INSR: variants seen among roughly 807,000 people sequenced by gnomAD.
INSR encodes the protein IR.
In INSR, 67 loss-of-function variants were observed where a neutral mutation model predicts 142.6. That is an observed-to-expected ratio of 0.47 (90% confidence interval 0.39 to 0.58). INSR has a LOEUF of 0.58. Among genes scored for constraint, INSR ranks in the 20% least tolerant of loss-of-function variants. The pLI is 0.00. For synonymous variants in INSR, 756 were observed against 743.1 expected (o/e 1.02, Z -0.28); for missense variants, 1,248 against 1,833.2 (o/e 0.68, Z 5.83).
In INSR at chr19:7,188,476, C is replaced by A. The variant is rs1974488307; in HGVS notation, c.653-3839G>T. ...GGCTGAGGCACAAGAATCACTTGAA[C>A]CTGGGAGGTGGAGGTTGCAGTGAGC... On this transcript the variant is annotated intron_variant, in intron 2 of 21. Coordinates refer to ENST00000302850, the MANE Select transcript of INSR (RefSeq NM_000208.4). 4.0e-5 allele frequency among the ~76,000 whole-genome samples: 6 copies of A among 149,782 alleles called. No homozygotes were observed. The South Asian group carries it at 1.3e-3, about 32-fold the overall frequency.
rs1247151968 is a variant in INSR at position 7,115,514 on chromosome 19, C to T, written c.*1542G>A. On this transcript the variant is annotated 3_prime_UTR_variant, in exon 22 of 22. Transcript: ENST00000302850. ...TCAGTACTGAGGACCGTCAGATGCT[C>T]TCAGGGTGGAGGGGACCAAGACGTA... The T allele has an allele frequency of 2.6e-5, 4 of 152,196 alleles. No homozygotes were observed. Among genetic ancestry groups the T allele is most frequent in the Admixed American group, 1.3e-4 (2 of 15,276 alleles). The allele number at this position is 152,196 out of a possible 1,614,324, so 9.4% of individuals were successfully genotyped here.
rs1015539286 is a variant in INSR at position 7,112,812 on chromosome 19, T to G, written c.*4244A>C. 1 of 152,094 alleles carries G rather than the reference T, an allele frequency of 6.6e-6. No homozygotes were observed. The highest frequency in any genetic ancestry group is 1.5e-5 in the Non-Finnish European group (1 of 68,008). 9.4% of individuals were successfully genotyped at this position (152,094 alleles called of 1,614,324 possible). A position where few individuals can be genotyped will look rare whatever the true frequency, so the allele number is the denominator to read the frequency against. On this transcript the variant is annotated 3_prime_UTR_variant, in exon 22 of 22. Transcript: ENST00000302850. ...GGGGACCCTTAAGGAAATATTCACCTTCCATTGCACTCCCTGAAAGTCCAC... is the reference window on the plus strand; with the variant it reads ...GGGGACCCTTAAGGAAATATTCACCGTCCATTGCACTCCCTGAAAGTCCAC...
rs766008607 is a variant in INSR, at chr19:7,143,039, G to A, written c.2319C>T (p.Ala773=). The A allele has an allele frequency of 7.6e-5, 122 of 1,614,068 alleles. 2 individuals are homozygous for A. Among genetic ancestry groups the A allele is most frequent in the Admixed American group, 1.0e-4 (6 of 59,996 alleles). Residue 773 remains alanine, a synonymous_variant, in exon 12 of 22, where the codon GCC becomes GCT. Coordinates refer to ENST00000302850, the MANE Select transcript of INSR (RefSeq NM_000208.4). ...SLGDVGNVTV[A]VPTVAAFPNT... ...TGGGGAAAGCTGCCACCGTGGGCAC[G>A]GCCACCGTCACATTCCCAACATCGC...
intron 17 of INSR, 104 bp from the exon 18 acceptor site, chr19:7,123,093 C>T: frequency 1.2e-6 from 1 of 841,600 alleles, no homozygotes; most frequent in Non-Finnish European, 2.0e-6. Flanking sequence ...ACCCTGTGGC[C>T]TGGATGCAGC....
intron 13 of INSR, 118 bp downstream of exon 13, chr19:7,141,559 G>A (rs1356721181): frequency 2.1e-6 from 3 of 1,435,754 alleles, no homozygotes; most frequent in Non-Finnish European, 2.9e-6. Flanking sequence ...TAATAGCACA[G>A]TACCTGATGA....
chr19:7,136,828 CATATATATATAT>C (rs57665258), intron 13 of INSR, among the ~76,000 whole-genome samples: 6 of 139,752 alleles, frequency 4.3e-5, no homozygotes, highest in African/African-American at 1.7e-4. Flanking sequence ...TATTTATTTA[CATATATATATAT>C]ATATATATTG....
rs754954687 is a variant in INSR, at chr19:7,151,058, TC to T, written c.2232-527del. On this transcript the variant is annotated intron_variant, in intron 10 of 21. Coordinates refer to ENST00000302850, the MANE Select transcript of INSR (RefSeq NM_000208.4). ...TTCTTTTTTTCATTTTCTTTCTCTT[TC>T]TTTTCTTTCTTTTCCTTTTTTCCTT... Among the ~76,000 whole-genome samples, 124 of 70,844 alleles carry T rather than the reference TC, an allele frequency of 1.8e-3. 2 individuals are homozygous for T. The highest frequency in any genetic ancestry group is 4.8e-3 in the Non-Finnish European group (98 of 20,414). 46.5% of individuals were successfully genotyped at this position (70,844 alleles called of 152,430 possible). A position where few individuals can be genotyped will look rare whatever the true frequency, so the allele number is the denominator to read the frequency against.
chr19:7,149,682 C>T (rs1341713481), intron 11 of INSR, among the ~76,000 whole-genome samples: 3 of 151,888 alleles, frequency 2.0e-5, no homozygotes, highest in Non-Finnish European at 4.4e-5. Context: ...ATTAGCCGGG[C>T]GTGGTGGCGC....
At chr19:7,154,405 G>C (rs1055910966) in intron 9 of INSR, among the ~76,000 whole-genome samples, 4 of 145,192 alleles carry the variant, frequency 2.8e-5, no homozygotes, top group South Asian at 2.2e-4. Flanking sequence ...TGGGTTCATG[G>C]CATTCTCCTG....
chr19:7,149,777 G>A (rs1599906257), intron 11 of INSR, among the ~76,000 whole-genome samples: 1 of 150,896 alleles, frequency 6.6e-6, no homozygotes, highest in African/African-American at 2.4e-5. Context: ...AGCCGAGATC[G>A]CACCACTGCA....
At chr19:7,120,796 C>T (rs201905854) in intron 19 of INSR, 47 bp from the exon 20 acceptor site, 2 of 1,606,204 alleles carry the variant, frequency 1.2e-6, no homozygotes, top group South Asian at 1.1e-5. Context: ...AGCCTTGGTC[C>T]TAGCATCTGC....
At chr19:7,263,968 G>A (rs189249613) in intron 2 of INSR, among the ~76,000 whole-genome samples, 39 of 152,212 alleles carry the variant, frequency 2.6e-4, no homozygotes, top group African/African-American at 8.2e-4. Context: ...TCGGGAGTTC[G>A]AGACCAGCCT....
chr19:7,199,141 A>G (rs1974877510), intron 2 of INSR, among the ~76,000 whole-genome samples: 1 of 152,148 alleles, frequency 6.6e-6, no homozygotes, highest in Non-Finnish European at 1.5e-5. Context: ...TCAGTCTACC[A>G]AAGTGTTGGG....
chr19:7,129,020 T>A (rs1972713793), intron 14 of INSR, 66 bp from the exon 15 acceptor site: 1 of 1,293,248 alleles, frequency 7.7e-7, no homozygotes, highest in Admixed American at 1.7e-5. Flanking sequence ...ACATCAAAAA[T>A]CACATCCACT....
chr19:7,271,439 G>T (rs1448750644), intron 1 of INSR, among the ~76,000 whole-genome samples: 3 of 152,104 alleles, frequency 2.0e-5, no homozygotes, highest in Non-Finnish European at 4.4e-5. Flanking sequence ...GGTGGAGGTT[G>T]CAGTGAGCCA....
At chr19:7,153,234 A>G (rs1292009396) in intron 9 of INSR, among the ~76,000 whole-genome samples, 14 of 117,734 alleles carry the variant, frequency 1.2e-4, no homozygotes, top group African/African-American at 4.5e-4. Context: ...CACCACACAC[A>G]CACCATACAC....
chr19:7,281,506 C>T (rs1383236597), intron 1 of INSR, among the ~76,000 whole-genome samples: 2 of 126,858 alleles, frequency 1.6e-5, no homozygotes, highest in Non-Finnish European at 3.6e-5. Flanking sequence ...CAGACCCTGT[C>T]TCTGCAAAAA....
At chr19:7,257,572 T>C (rs1976934950) in intron 2 of INSR, among the ~76,000 whole-genome samples, 1 of 151,056 alleles carries the variant, frequency 6.6e-6, no homozygotes, top group Admixed American at 6.6e-5. Flanking sequence ...GAAAAATGAA[T>C]TACAACTACT....
chr19:7,202,650 G>A (rs1027594289), intron 2 of INSR, among the ~76,000 whole-genome samples: 5 of 151,532 alleles, frequency 3.3e-5, no homozygotes, highest in South Asian at 4.2e-4. Flanking sequence ...CAGGGTATGC[G>A]CCACCACCCT....
Sources: gnomAD v4.1 joint callset for allele counts (sites outside exome capture counted in the v4.1 genomes callset) on GRCh38, gnomAD v4.1.1 for gene constraint, MANE v1.5 for transcripts, NCBI Gene and HGNC (gene_info 2026-07-23, HGNC 2026-07-21) for gene names.